The following MME variants were observed in gnomAD, a reference collection of about 807,000 sequenced individuals.
MME encodes membrane metalloendopeptidase.
Under a neutral mutation model 113.2 loss-of-function variants are expected in MME, and 98 were observed. That is an observed-to-expected ratio of 0.87 (90% CI 0.74 to 1.02). The LOEUF (loss-of-function observed/expected upper bound fraction) is 1.02. MME is among the 50% of genes least tolerant of loss of function. The pLI, the probability that MME is intolerant of heterozygous loss-of-function variation, is 0.00. For missense variants in MME, 836 were observed against 896.0 expected (o/e 0.93, Z 0.86); for synonymous variants, 292 against 300.6 (o/e 0.97, Z 0.30).
rs143922393 is a variant in MME at position 155,182,320 on chromosome 3, G to A, written c.*1861G>A. ...CAATTTGTTCATCCTATTGTTGATG[G>A]GCACTTGAGAACTTTCCATTTTGGC... On this transcript the variant is annotated 3_prime_UTR_variant, in exon 23 of 23. Coordinates refer to ENST00000360490, the MANE Select transcript of MME (RefSeq NM_007289.4). 4.6e-5 allele frequency: 7 copies of A among 152,182 alleles called. No individual in the cohort carries two copies. The highest frequency in any genetic ancestry group is 3.9e-4 in the East Asian group (2 of 5,184). 9.4% of individuals were successfully genotyped at this position (152,182 alleles called of 1,614,324 possible). A position where few individuals can be genotyped will look rare whatever the true frequency, so the allele number is the denominator to read the frequency against.
intron 1 of MME, among the ~76,000 whole-genome samples, chr3:155,041,849 C>T (rs1713333341): frequency 6.6e-6 from 1 of 152,080 alleles, no homozygotes. Context: ...GACCCAAGAT[C>T]TGTATATGAA....
chr3:155,092,338 A>T (rs1365427109), intron 3 of MME, among the ~76,000 whole-genome samples: 1 of 152,242 alleles, frequency 6.6e-6, no homozygotes, highest in Non-Finnish European at 1.5e-5. Flanking sequence ...TCCAACTGTG[A>T]GTGAGGATGC....
At chr3:155,137,978 A>C (rs1475514508) in intron 8 of MME, 124 bp from the exon 9 acceptor site, 6 of 1,083,894 alleles carry the variant, frequency 5.5e-6, no homozygotes, top group Non-Finnish European at 8.3e-6. Context: ...TACTTAGAAA[A>C]GGATTTTTAT....
At chr3:155,070,316 G>A (rs1714511020) in intron 1 of MME, among the ~76,000 whole-genome samples, 1 of 152,162 alleles carries the variant, frequency 6.6e-6, no homozygotes, top group African/African-American at 2.4e-5. Context: ...TTGTGACAAG[G>A]AGCAGTTCGT....
chr3:155,174,110 C>T, intron 22 of MME, among the ~76,000 whole-genome samples: 1 of 151,838 alleles, frequency 6.6e-6, no homozygotes, highest in East Asian at 1.9e-4. Context: ...TTTTTTGGTG[C>T]TCATTTCTTA....
chr3:155,078,649 ATGTGTGTGTATG>A (rs1373101335), upstream of MME, among the ~76,000 whole-genome samples: 57 of 130,786 alleles, frequency 4.4e-4, no homozygotes, highest in African/African-American at 1.4e-3. Flanking sequence ...GAGTGTGAAT[ATGTGTGTGTATG>A]TGTGTGTGTG....
chr3:155,072,488 A>C (rs1025776858), intron 1 of MME, among the ~76,000 whole-genome samples: 1 of 152,042 alleles, frequency 6.6e-6, no homozygotes, highest in Non-Finnish European at 1.5e-5. Context: ...TTGCTTTTTC[A>C]TTCAACATTA....
In MME at chr3:155,168,761, CAT is replaced by C; in HGVS notation, c.1945_1946del (p.Ile649CysfsTer2). ...LNGINTLGEN[I>X]ADNGGLGQAY... ...ATGGAATTAATACACTGGGAGAAAA[CAT>C]TGCTGATAATGGAGGTCTTGGTCAA... is the stretch of plus-strand genomic sequence containing the variant. On this transcript the variant is annotated frameshift_variant, in exon 20 of 23. Transcript: ENST00000360490. LOFTEE classifies it high-confidence loss of function. The C allele has an allele frequency of 6.2e-7, 1 of 1,613,242 alleles. No homozygotes were observed. The highest frequency in any genetic ancestry group is 1.3e-5 in the African/African-American group (1 of 74,972).
intron 22 of MME, among the ~76,000 whole-genome samples, chr3:155,174,212 T>C (rs1712276238): frequency 6.6e-6 from 1 of 152,088 alleles, no homozygotes; most frequent in African/African-American, 2.4e-5. Context: ...AATTTTAAAC[T>C]GAAAACAATA....
intron 8 of MME, among the ~76,000 whole-genome samples, chr3:155,119,545 C>A (rs1431549321): frequency 1.5e-5 from 2 of 129,294 alleles, no homozygotes; most frequent in African/African-American, 2.9e-5. Flanking sequence ...TTAGGTATAT[C>A]TCCCAATGCT....
intron 10 of MME, among the ~76,000 whole-genome samples, chr3:155,140,578 G>T (rs1322745742): frequency 6.6e-6 from 1 of 151,642 alleles, no homozygotes; most frequent in Non-Finnish European, 1.5e-5. Flanking sequence ...CACCACACCT[G>T]GCTAATTCTT....
At chr3:155,047,758 T>G (rs946086637) in intron 1 of MME, among the ~76,000 whole-genome samples, 1 of 152,200 alleles carries the variant, frequency 6.6e-6, no homozygotes, top group Non-Finnish European at 1.5e-5. Flanking sequence ...TTTTTTATTG[T>G]ATCCTTAACA....
intron 22 of MME, among the ~76,000 whole-genome samples, chr3:155,178,761 C>T (rs1393000076): frequency 1.3e-5 from 2 of 152,146 alleles, no homozygotes; most frequent in African/African-American, 4.8e-5. Context: ...CTCTAGATTA[C>T]TTATAATACC....
intron 16 of MME, 105 bp from the exon 17 acceptor site, chr3:155,160,285 G>C: frequency 1.2e-6 from 1 of 817,952 alleles, no homozygotes; most frequent in Non-Finnish European, 2.1e-6. Context: ...GTTTCAAACA[G>C]AAAGTTAAGA....
In MME at chr3:155,160,473, T is replaced by G. The variant is rs200279212; in HGVS notation, c.1660+25T>G. On this transcript the variant is annotated intron_variant, in intron 17 of 22. Transcript: ENST00000360490. ...GGTAAGGTGTATTCTTAAATAATTA[T>G]TTAATATTTCTCTATCGTTCCCAAC... 1.5e-4 allele frequency: 223 copies of G among 1,492,604 alleles called. 2 individuals are homozygous for G. The Admixed American group carries it at 3.6e-3, about 24-fold the overall frequency. The allele number at this position is 1,492,604 out of a possible 1,614,324, so 92.5% of individuals were successfully genotyped here. A position where few individuals can be genotyped will look rare whatever the true frequency, so the allele number is the denominator to read the frequency against.
chr3:155,060,828 G>GCAGAGAGAGA (rs1264618395), intron 1 of MME, among the ~76,000 whole-genome samples: 223 of 137,398 alleles, frequency 1.6e-3, no homozygotes, highest in Non-Finnish European at 2.4e-3. Flanking sequence ...CTGCAGAGAG[G>GCAGAGAGAGA]CAGAGAGAGA....
upstream of MME, among the ~76,000 whole-genome samples, chr3:155,075,403 T>C (rs1314496269): frequency 2.0e-5 from 3 of 152,156 alleles, no homozygotes; most frequent in African/African-American, 4.8e-5. Context: ...ACTGGAGAAT[T>C]TGGTCCAATT....
intron 1 of MME, among the ~76,000 whole-genome samples, chr3:155,049,143 T>C (rs1311313332): frequency 6.6e-6 from 1 of 152,144 alleles, no homozygotes; most frequent in African/African-American, 2.4e-5. Context: ...CATGTATGTA[T>C]AGTGAATTGA....
intron 12 of MME, 126 bp downstream of exon 12, chr3:155,142,456 A>T (rs894366469): frequency 2.8e-6 from 2 of 725,184 alleles, no homozygotes; most frequent in Admixed American, 4.6e-5. Context: ...AAAGTTCGTT[A>T]TCTTGCACAT....
Sources: gnomAD v4.1 joint callset for allele counts (sites outside exome capture counted in the v4.1 genomes callset) on GRCh38, gnomAD v4.1.1 for gene constraint, MANE v1.5 for transcripts, NCBI Gene and HGNC (gene_info 2026-07-23, HGNC 2026-07-21) for gene names.